DNAJC6: variants seen among roughly 807,000 people sequenced by gnomAD.
The protein encoded by DNAJC6 is DnaJ heat shock protein family (Hsp40) member C6.
A neutral mutation model predicts 110.0 loss-of-function variants in DNAJC6; 34 were observed. The observed-to-expected ratio is 0.31, with a 90% CI of 0.24 to 0.41. The LOEUF (loss-of-function observed/expected upper bound fraction) is 0.41. DNAJC6 is among the 10% of genes least tolerant of loss of function. The pLI is 1.00. For synonymous variants in DNAJC6, 406 were observed against 437.2 expected, an observed-to-expected ratio of 0.93 and a Z score of 0.89; for missense variants, 1,031 against 1,207.8, an observed-to-expected ratio of 0.85 and a Z score of 2.17.
rs1645849406 is a variant in DNAJC6, at chr1:65,384,243, T to C, written c.717T>C (p.Cys239=). ...SILVGAMFIF[C]NLYSTPGPAI... Reference sequence around the variant, plus strand: ...TGGTTGGTGCTATGTTCATTTTCTGTAATCTCTACTCTACTCCTGGCCCAG... The same window carrying C: ...TGGTTGGTGCTATGTTCATTTTCTGCAATCTCTACTCTACTCCTGGCCCAG... Residue 239 remains cysteine, a synonymous_variant, in exon 6 of 19, where the codon TGT becomes TGC. Transcript: ENST00000371069. The C allele has an allele frequency of 1.3e-6, 2 of 1,584,316 alleles. No individual in the cohort carries two copies. The highest frequency in any genetic ancestry group is 2.4e-5 in the East Asian group (1 of 42,506).
At chr1:65,321,680 A>G (rs1332489415) in intron 1 of DNAJC6, among the ~76,000 whole-genome samples, 1 of 152,230 alleles carries the variant, frequency 6.6e-6, no homozygotes, top group Non-Finnish European at 1.5e-5. Context: ...AGAACTTACA[A>G]TGATCCAGTG....
At chr1:65,316,544 T>C (rs1183960909) in intron 1 of DNAJC6, among the ~76,000 whole-genome samples, 1 of 152,204 alleles carries the variant, frequency 6.6e-6, no homozygotes, top group Non-Finnish European at 1.5e-5. Context: ...CTTTGTAGTC[T>C]TGTCATTGCT....
In DNAJC6 at chr1:65,309,956, G is replaced by C. The variant is rs1373877152; in HGVS notation, c.193+18G>C. On this transcript the variant is annotated intron_variant, in intron 1 of 18. Transcript: ENST00000371069. ...CAGCTCAGGTAGCGCTGCCCGAGGG[G>C]AGTGCAGCGCTGAGCCCCGCGCGGC... The C allele has an allele frequency of 7.0e-7, 1 of 1,430,416 alleles. No individual in the cohort carries two copies. The highest frequency in any genetic ancestry group is 9.1e-7 in the Non-Finnish European group (1 of 1,092,998). 88.6% of individuals were successfully genotyped at this position (1,430,416 alleles called of 1,614,324 possible).
At chr1:65,311,622 C>T (rs1435823356) in intron 1 of DNAJC6, among the ~76,000 whole-genome samples, 1 of 152,126 alleles carries the variant, frequency 6.6e-6, no homozygotes. Flanking sequence ...TGGATGTAAT[C>T]TCCTTTAAAT....
At chr1:65,379,079 A>G (rs760725581) in intron 4 of DNAJC6, among the ~76,000 whole-genome samples, 6 of 152,196 alleles carry the variant, frequency 3.9e-5, no homozygotes, top group Non-Finnish European at 5.9e-5. Flanking sequence ...AGGTCAAAAC[A>G]TTTTATGCTT....
At chr1:65,277,354 G>A (rs1653705184) in intron 1 of DNAJC6, among the ~76,000 whole-genome samples, 1 of 152,048 alleles carries the variant, frequency 6.6e-6, no homozygotes, top group Non-Finnish European at 1.5e-5. Context: ...GAGAATATGT[G>A]TACTAAAAGA....
chr1:65,411,076 A>G (rs1431061078), intron 17 of DNAJC6, among the ~76,000 whole-genome samples, 174 bp from the exon 18 acceptor site: 1 of 152,198 alleles, frequency 6.6e-6, no homozygotes, highest in Non-Finnish European at 1.5e-5. Context: ...CAGGGAGACA[A>G]GGTAGGAGAT....
chr1:65,355,264 C>CAAAAAAAA (rs58338708), intron 1 of DNAJC6, among the ~76,000 whole-genome samples: 22 of 84,224 alleles, frequency 2.6e-4, no homozygotes, highest in African/African-American at 1.1e-3. Flanking sequence ...CACCCTGTCT[C>CAAAAAAAA]AAAAAAAAAA....
In DNAJC6 at chr1:65,287,659, T is replaced by TG. The variant is rs574122777; in HGVS notation, c.-131+22729dup. 7.2e-5 allele frequency among the ~76,000 whole-genome samples: 11 copies of TG among 152,292 alleles called. No individual in the cohort carries two copies. The South Asian group carries it at 2.3e-3, about 32-fold the overall frequency. On this transcript the variant is annotated intron_variant, in intron 1 of 19. Transcript: ENST00000263441. ...GCCTGTTGCCCAGAATGGAGTACAG[T>TG]GGCGCACAATCAGGGCTCACTGCAG...
chr1:65,286,934 A>G (rs1002445547), intron 1 of DNAJC6, among the ~76,000 whole-genome samples: 11 of 152,318 alleles, frequency 7.2e-5, no homozygotes, highest in Admixed American at 5.2e-4. Flanking sequence ...GGATTCCCAT[A>G]TAGGTTTCTT....
chr1:65,411,696 C>T (rs1449928690), intron 18 of DNAJC6, among the ~76,000 whole-genome samples: 2 of 149,946 alleles, frequency 1.3e-5, no homozygotes, highest in South Asian at 2.2e-4. Flanking sequence ...TGTCTGAGTA[C>T]GGTGGCTCAT....
chr1:65,283,619 T>G (rs1166757511), intron 1 of DNAJC6, among the ~76,000 whole-genome samples: 1 of 152,218 alleles, frequency 6.6e-6, no homozygotes, highest in East Asian at 1.9e-4. Flanking sequence ...TGAACATCTG[T>G]GTACAAGTTC....
At chr1:65,384,782 A>G (rs1376709130) in intron 6 of DNAJC6, among the ~76,000 whole-genome samples, 1 of 152,254 alleles carries the variant, frequency 6.6e-6, no homozygotes, top group East Asian at 1.9e-4. Context: ...GGATGGGGAC[A>G]TAGCCAAACC....
intron 1 of DNAJC6, among the ~76,000 whole-genome samples, chr1:65,360,928 G>T (rs1213004770): frequency 1.3e-5 from 2 of 152,200 alleles, no homozygotes; most frequent in African/African-American, 4.8e-5. Context: ...GGTGAGAGGT[G>T]GAGGAGAGCA....
intron 12 of DNAJC6, among the ~76,000 whole-genome samples, chr1:65,394,181 AG>A (rs1255926864): frequency 1.3e-5 from 2 of 152,232 alleles, no homozygotes; most frequent in Non-Finnish European, 2.9e-5. Flanking sequence ...TCAGGCAGCT[AG>A]TGGAATTCCA....
exon 1 of DNAJC6, chr1:65,264,773 A>G: frequency 6.8e-7 from 1 of 1,481,270 alleles, no homozygotes; most frequent in Non-Finnish European, 9.0e-7. Flanking sequence ...ACTTGCATGC[A>G]ATTATCATAG....
At chr1:65,281,686 G>A (rs1248015632) in intron 1 of DNAJC6, among the ~76,000 whole-genome samples, 1 of 151,944 alleles carries the variant, frequency 6.6e-6, no homozygotes, top group African/African-American at 2.4e-5. Context: ...TTGGCTCACT[G>A]CAAGCTCCAC....
intron 6 of DNAJC6, among the ~76,000 whole-genome samples, chr1:65,385,269 G>C (rs975623503): frequency 2.0e-5 from 3 of 152,104 alleles, no homozygotes; most frequent in African/African-American, 7.2e-5. Flanking sequence ...AAAGAAAACT[G>C]TTTTTAGATA....
chr1:65,411,730 G>C (rs942120446), intron 18 of DNAJC6, among the ~76,000 whole-genome samples: 9 of 152,144 alleles, frequency 5.9e-5, no homozygotes, highest in Admixed American at 2.0e-4. Context: ...GCACTTTGGG[G>C]GGGGCAGGGT....
Sources: allele counts gnomAD v4.1 joint callset (sites outside exome capture counted in the v4.1 genomes callset), GRCh38; gene constraint gnomAD v4.1.1; transcripts MANE v1.5; gene names NCBI Gene and HGNC (gene_info 2026-07-23, HGNC 2026-07-21).